Variants in SEC31A observed in about 807,000 individuals in gnomAD.
SEC31A encodes protein transport protein Sec31A.
SEC31A carries 70 observed loss-of-function variants against 151.0 expected under a neutral mutation model. The observed-to-expected ratio is 0.46, with a 90% CI of 0.38 to 0.57. The LOEUF is 0.57. SEC31A is among the 20% of genes least tolerant of loss of function. SEC31A has a pLI of 0.00. For missense variants in SEC31A, 1,330 were observed against 1,471.2 expected (o/e 0.90, Z 1.57); for synonymous variants, 475 against 505.9 (o/e 0.94, Z 0.82).
At chr4:82,820,226 C>A (rs1723044925) in intron 26 of SEC31A, among the ~76,000 whole-genome samples, 1 of 147,328 alleles carries the variant, frequency 6.8e-6, no homozygotes, top group African/African-American at 2.5e-5. Context: ...GCATCAGCCT[C>A]CTCAGTAGCT....
In SEC31A at chr4:82,866,805, T is replaced by C; in HGVS notation, c.1197+3A>G. On this transcript the variant is annotated splice_donor_region_variant and intron_variant, in intron 10 of 26. Coordinates refer to ENST00000395310, the MANE Select transcript of SEC31A (RefSeq NM_001077207.4). ...ATGGACCATAAAAACAAAATCCACC[T>C]ACTGAAAAAGAAGCACCAACAGGCC... The C allele has an allele frequency of 6.3e-7, 1 of 1,597,896 alleles. No homozygotes were observed. The highest frequency in any genetic ancestry group is 1.1e-5 in the South Asian group (1 of 87,786).
chr4:82,878,185 T>C (rs543380615), intron 4 of SEC31A, among the ~76,000 whole-genome samples: 1 of 152,200 alleles, frequency 6.6e-6, no homozygotes, highest in Admixed American at 6.5e-5. Context: ...TCAAATGGCG[T>C]GACATCTTCA....
At chr4:82,858,542 C>CAAAA (rs201988682) in intron 14 of SEC31A, among the ~76,000 whole-genome samples, 1 of 62,944 alleles carries the variant, frequency 1.6e-5, no homozygotes, top group African/African-American at 4.3e-5. Flanking sequence ...GACTCTGTCT[C>CAAAA]AAAAAAAAAA....
chr4:82,862,599 C>A (rs754157665), intron 12 of SEC31A, 27 bp from the exon 13 acceptor site: 1 of 1,604,084 alleles, frequency 6.2e-7, no homozygotes, highest in South Asian at 1.1e-5. Context: ...AGCTCACCTA[C>A]TACATGGAAT....
chr4:82,880,673 C>A, intron 3 of SEC31A, 126 bp downstream of exon 3: 2 of 808,322 alleles, frequency 2.5e-6, no homozygotes, highest in Middle Eastern at 2.9e-4. Context: ...TGCTTTTTCA[C>A]AAAATATTTC....
Position 82,845,352 on chromosome 4 carries a change from G to A in SEC31A, c.2503-843C>T, listed in dbSNP as rs1729830295. 3.0e-6 allele frequency: 3 copies of A among 995,636 alleles called. No homozygotes were observed. In the South Asian group the frequency reaches 6.6e-5, roughly 22 times the overall value. 61.7% of individuals were successfully genotyped at this position (995,636 alleles called of 1,614,324 possible). A position where few individuals can be genotyped will look rare whatever the true frequency, so the allele number is the denominator to read the frequency against. ...ATAAAAAATGAAAACGTTAAAAGAA[G>A]AAAAAAACCCCAAAAGGTATTAATA... is the stretch of plus-strand genomic sequence containing the variant. On this transcript the variant is annotated intron_variant, in intron 20 of 26. Coordinates refer to ENST00000395310, the MANE Select transcript of SEC31A (RefSeq NM_001077207.4).
intron 2 of SEC31A, among the ~76,000 whole-genome samples, chr4:82,881,193 C>T (rs941604810): frequency 2.0e-5 from 3 of 152,026 alleles, no homozygotes; most frequent in South Asian, 4.2e-4. Context: ...GGGCTGGGCA[C>T]GGTGGCTCAT....
chr4:82,891,719 G>A (rs1719775082), upstream of SEC31A, among the ~76,000 whole-genome samples: 1 of 19,654 alleles, frequency 5.1e-5, no homozygotes, highest in Non-Finnish European at 1.0e-3. Context: ...GTATAGATGG[G>A]GTGTTATATT....
chr4:82,842,062 A>G (rs1365767190), intron 22 of SEC31A, 78 bp downstream of exon 22: 7 of 1,202,624 alleles, frequency 5.8e-6, no homozygotes, highest in Non-Finnish European at 8.1e-6. Flanking sequence ...ACAGTTAGAA[A>G]TAATACCCCT....
At chr4:82,842,048 A>G in intron 22 of SEC31A, 92 bp downstream of exon 22, 2 of 1,080,368 alleles carry the variant, frequency 1.9e-6, no homozygotes, top group South Asian at 1.8e-5. Flanking sequence ...TACCCAGTTT[A>G]CAAACAGTTA....
intron 7 of SEC31A, chr4:82,871,287 AATT>A: frequency 7.2e-7 from 1 of 1,384,594 alleles, no homozygotes; most frequent in Non-Finnish European, 9.4e-7. Context: ...TTTGTATAAA[AATT>A]ATATTGGGAT....
At chr4:82,891,061 A>G in intron 1 of SEC31A, 27 bp downstream of exon 1, 2 of 1,535,802 alleles carry the variant, frequency 1.3e-6, no homozygotes, top group East Asian at 2.4e-5. Flanking sequence ...ACCGGCGAAG[A>G]GGACAAAAAG....
chr4:82,865,536 G>GTATATATATA (rs55681370), intron 10 of SEC31A, among the ~76,000 whole-genome samples: 18 of 137,230 alleles, frequency 1.3e-4, no homozygotes, highest in East Asian at 4.4e-4. Flanking sequence ...AAAAAATGTG[G>GTATATATATA]TATATATATA....
intron 25 of SEC31A, among the ~76,000 whole-genome samples, chr4:82,823,877 G>A (rs1053959585): frequency 3.9e-5 from 6 of 152,166 alleles, no homozygotes; most frequent in Non-Finnish European, 8.8e-5. Flanking sequence ...CAGTTTTGTT[G>A]ATGAGAGGCA....
At chr4:82,888,350 C>CAAAAAAAA (rs1177774222) in intron 1 of SEC31A, among the ~76,000 whole-genome samples, 1 of 26,176 alleles carries the variant, frequency 3.8e-5, no homozygotes, top group Non-Finnish European at 6.9e-5. Context: ...GACTCCGTCT[C>CAAAAAAAA]AAAAAAAAAA....
At chr4:82,831,666 C>T (rs1725984367) in intron 22 of SEC31A, among the ~76,000 whole-genome samples, 1 of 152,080 alleles carries the variant, frequency 6.6e-6, no homozygotes, top group Admixed American at 6.6e-5. Flanking sequence ...TTTAGGAGGC[C>T]CCAGTGGTCT....
chr4:82,858,143 T>C (rs1733113821), intron 14 of SEC31A: 1 of 174,230 alleles, frequency 5.7e-6, no homozygotes, highest in Non-Finnish European at 1.2e-5. Flanking sequence ...CCGGGCATGG[T>C]GGTGCGTGCC....
chr4:82,841,073 T>A (rs375696731), intron 22 of SEC31A, among the ~76,000 whole-genome samples: 3 of 152,204 alleles, frequency 2.0e-5, no homozygotes, highest in African/African-American at 7.2e-5. Flanking sequence ...GTAATAACAC[T>A]TAGCTTAAAA....
At chr4:82,880,372 T>A (rs1739006570) in intron 3 of SEC31A, among the ~76,000 whole-genome samples, 1 of 152,044 alleles carries the variant, frequency 6.6e-6, no homozygotes, top group Non-Finnish European at 1.5e-5. Context: ...GGTGGATTGC[T>A]TGAGGTCAAG....
Sources: gnomAD v4.1 joint callset for allele counts (sites outside exome capture counted in the v4.1 genomes callset) on GRCh38, gnomAD v4.1.1 for gene constraint, MANE v1.5 for transcripts, NCBI Gene and HGNC (gene_info 2026-07-23, HGNC 2026-07-21) for gene names.